The following GAS7 variants were observed in gnomAD, a reference collection of about 807,000 sequenced individuals.
GAS7 encodes growth arrest-specific protein 7.
GAS7 carries 28 observed loss-of-function variants against 71.1 expected under a neutral mutation model. The observed-to-expected ratio is 0.39, with a 90% CI of 0.29 to 0.54. The LOEUF is 0.54. Among genes scored for constraint, GAS7 ranks in the 20% least tolerant of loss-of-function variants. GAS7 has a pLI of 0.62. For missense variants in GAS7, 436 were observed against 627.8 expected, an observed-to-expected ratio of 0.69 and a Z score of 3.27; for synonymous variants, 258 against 245.8, an observed-to-expected ratio of 1.05 and a Z score of -0.46.
At chr17:10,021,552 C>A (rs924417497) in intron 1 of GAS7, among the ~76,000 whole-genome samples, 1 of 152,200 alleles carries the variant, frequency 6.6e-6, no homozygotes, top group Non-Finnish European at 1.5e-5. Context: ...ATGCCCTGGA[C>A]GCTCCATCTC....
At chr17:9,950,723 G>A (rs1597519427) in intron 5 of GAS7, among the ~76,000 whole-genome samples, 1 of 152,108 alleles carries the variant, frequency 6.6e-6, no homozygotes, top group Non-Finnish European at 1.5e-5. Flanking sequence ...GGGCATGGTG[G>A]TGGGCGCCTG....
intron 1 of GAS7, among the ~76,000 whole-genome samples, chr17:10,029,872 AATAATT>A (rs1360861287): frequency 1.3e-5 from 2 of 151,754 alleles, no homozygotes; most frequent in Non-Finnish European, 2.9e-5. Flanking sequence ...CAATAATAAT[AATAATT>A]ATAATTATAT....
intron 2 of GAS7, among the ~76,000 whole-genome samples, chr17:9,998,410 T>C (rs2071127644): frequency 6.6e-6 from 1 of 152,198 alleles, no homozygotes; most frequent in Non-Finnish European, 1.5e-5. Context: ...GGTGGTCCTC[T>C]TCCACGATGA....
chr17:10,059,556 C>A (rs1158605990), intron 1 of GAS7: 1 of 277,960 alleles, frequency 3.6e-6, no homozygotes, highest in Non-Finnish European at 5.5e-6. Flanking sequence ...CAGAGCCAAA[C>A]CCTAGCCAAG....
At chr17:10,169,480 T>C (rs966229821) in intron 1 of GAS7, among the ~76,000 whole-genome samples, 9 of 152,148 alleles carry the variant, frequency 5.9e-5, no homozygotes, top group Non-Finnish European at 1.0e-4. Flanking sequence ...GGGTGCGTCA[T>C]CCCTGAGGCT....
chr17:10,056,701 C>T (rs1364645411), intron 1 of GAS7, among the ~76,000 whole-genome samples: 1 of 152,036 alleles, frequency 6.6e-6, no homozygotes, highest in African/African-American at 2.4e-5. Context: ...GAAACCCCGT[C>T]TCTACTAAAA....
chr17:9,952,526 G>C lies in GAS7; in HGVS notation c.526-5543C>G, dbSNP rs564565776. On this transcript the variant is annotated intron_variant, in intron 5 of 13. Coordinates refer to ENST00000432992, the MANE Select transcript of GAS7 (RefSeq NM_201433.2). ...CCTGCTTCAGCCTCGCGAGTAGCTG[G>C]GATTACAGGTGCCTGCCACCATGCC... is the stretch of plus-strand genomic sequence containing the variant. Among the ~76,000 whole-genome samples the C allele has an allele frequency of 1.5e-4, 23 of 152,240 alleles. 1 individual carries two copies. The highest frequency in any genetic ancestry group is 2.9e-4 in the Non-Finnish European group (20 of 68,022).
At chr17:9,937,376 G>A (rs764654350) in intron 8 of GAS7, among the ~76,000 whole-genome samples, 5 of 152,218 alleles carry the variant, frequency 3.3e-5, no homozygotes, top group South Asian at 2.1e-4. Flanking sequence ...GATGGAAGCC[G>A]GAAGACTCCG....
intron 1 of GAS7, among the ~76,000 whole-genome samples, chr17:10,194,387 TA>T (rs2074524787): frequency 6.6e-6 from 1 of 152,200 alleles, no homozygotes; most frequent in Non-Finnish European, 1.5e-5. Context: ...TCCTGGACCC[TA>T]TTAAACCCTC....
chr17:9,925,133 G>C (rs1484118861), intron 11 of GAS7, among the ~76,000 whole-genome samples: 3 of 152,124 alleles, frequency 2.0e-5, no homozygotes, highest in African/African-American at 7.2e-5. Flanking sequence ...AGCTCTCAGT[G>C]CATGAAGGAG....
chr17:10,149,582 A>G (rs2074148275), intron 1 of GAS7, among the ~76,000 whole-genome samples: 1 of 152,192 alleles, frequency 6.6e-6, no homozygotes, highest in African/African-American at 2.4e-5. Flanking sequence ...ACAATCTAGT[A>G]ATTCCACTCC....
At chr17:10,173,031 C>T (rs757914632) in intron 1 of GAS7, among the ~76,000 whole-genome samples, 63 of 152,174 alleles carry the variant, frequency 4.1e-4, no homozygotes, top group African/African-American at 1.3e-3. Flanking sequence ...CACGTCACTA[C>T]GCAAATGAAC....
chr17:10,021,637 G>A lies in GAS7; in HGVS notation c.184-1740C>T, dbSNP rs377317048. ...CTTCTAAGACAGCAGGAGACAGTGA[G>A]GTGGACAGCAGCCAGGATCAACACG... On this transcript the variant is annotated intron_variant, in intron 1 of 13. Coordinates refer to ENST00000432992, the MANE Select transcript of GAS7 (RefSeq NM_201433.2). 5.9e-5 allele frequency among the ~76,000 whole-genome samples: 9 copies of A among 152,294 alleles called. No homozygotes were observed. In the East Asian group the frequency reaches 9.7e-4, roughly 16 times the overall value.
At chr17:9,999,990 C>A (rs961618656) in intron 2 of GAS7, among the ~76,000 whole-genome samples, 1 of 152,160 alleles carries the variant, frequency 6.6e-6, no homozygotes, top group African/African-American at 2.4e-5. Context: ...CTTAAAGGAG[C>A]GCTTCTCAAA....
Position 10,034,119 on chromosome 17 carries a change from T to C in GAS7, c.184-14222A>G. On this transcript the variant is annotated intron_variant, in intron 1 of 13. Coordinates refer to ENST00000432992, the MANE Select transcript of GAS7 (RefSeq NM_201433.2). This position sits in a 1 kb window ranked among gnomAD's most constrained non-coding sequence, Gnocchi z 4.4. The stretch of plus-strand genomic sequence containing the variant: ...GGAGATGTGAGACCTACCACTGCTC[T>C]GTGCCACCGTGCGAAGAACACAGGA... 1.0e-6 allele frequency: 1 copy of C among 985,202 alleles called. No homozygotes were observed. The highest frequency in any genetic ancestry group is 1.2e-6 in the Non-Finnish European group (1 of 829,758). 61.0% of individuals were successfully genotyped at this position (985,202 alleles called of 1,614,324 possible).
chr17:9,920,612 C>T (rs57172612), intron 11 of GAS7, among the ~76,000 whole-genome samples: 2,265 of 152,284 alleles, frequency 0.015, 49 homozygotes, highest in African/African-American at 0.052. Context: ...AGGACAGATC[C>T]GAGACCTACT....
At chr17:9,993,738 T>C (rs1474337382) in intron 2 of GAS7, among the ~76,000 whole-genome samples, 2 of 150,378 alleles carry the variant, frequency 1.3e-5, no homozygotes, top group Non-Finnish European at 3.0e-5. Context: ...GGAAGTCAAA[T>C]TGTCCCTGTT....
intron 1 of GAS7, among the ~76,000 whole-genome samples, chr17:10,104,863 C>T (rs988652053): frequency 6.6e-6 from 1 of 152,196 alleles, no homozygotes; most frequent in African/African-American, 2.4e-5. Flanking sequence ...TTCATCCCCT[C>T]CAATTCATTC....
Position 10,034,852 on chromosome 17 carries a change from TC to T in GAS7, c.184-14956del, listed in dbSNP as rs553790723. On this transcript the variant is annotated intron_variant, in intron 1 of 13. Transcript: ENST00000432992. The surrounding 1 kb of genome is among the most constrained non-coding windows in gnomAD (Gnocchi z 4.4). ...GCGTCCACCTCTTCCCTGTCACTCC[TC>T]CGAGCCACGTGAGTGGTCTTAGCTC... is the stretch of plus-strand genomic sequence containing the variant. Among the ~76,000 whole-genome samples the T allele has an allele frequency of 2.0e-5, 3 of 152,104 alleles. No individual in the cohort carries two copies. Among genetic ancestry groups the T allele is most frequent in the Non-Finnish European group, 4.4e-5 (3 of 68,006 alleles).
Sources: gnomAD v4.1 joint callset for allele counts (sites outside exome capture counted in the v4.1 genomes callset) on GRCh38, gnomAD v4.1.1 for gene constraint, Gnocchi (gnomAD v3.1) non-coding constraint, MANE v1.5 for transcripts, NCBI Gene and HGNC (gene_info 2026-07-23, HGNC 2026-07-21) for gene names.